Variants in KCNK12 observed in about 807,000 individuals in gnomAD.
The protein encoded by KCNK12 is potassium channel subfamily K member 12.
In KCNK12, 6 loss-of-function variants were observed where a neutral mutation model predicts 25.3. That is an observed-to-expected ratio of 0.24 (90% CI 0.13 to 0.47). The LOEUF (loss-of-function observed/expected upper bound fraction) is 0.47, where lower values mean the gene tolerates loss of function less well. Among genes scored for constraint, KCNK12 ranks in the 20% least tolerant of loss-of-function variants. KCNK12 has a pLI of 0.99. For synonymous variants in KCNK12, 331 were observed against 311.1 expected (o/e 1.06, Z -0.67); for missense variants, 444 against 661.7 (o/e 0.67, Z 3.61).
chr2:47,545,099 A>T (rs1290591308), intron 1 of KCNK12, among the ~76,000 whole-genome samples: 1 of 152,064 alleles, frequency 6.6e-6, no homozygotes, highest in Non-Finnish European at 1.5e-5. Context: ...GTGGGGAGGG[A>T]AGTCATACAC....
chr2:47,560,281 C>T lies in KCNK12; in HGVS notation c.391+9660G>A, dbSNP rs534233752. Among the ~76,000 whole-genome samples, 14 of 152,346 alleles carry T rather than the reference C, an allele frequency of 9.2e-5. No homozygotes were observed. The East Asian group carries it at 2.1e-3, about 23-fold the overall frequency. On this transcript the variant is annotated intron_variant, in intron 1 of 1. Transcript: ENST00000327876. This position sits in a 1 kb window ranked among gnomAD's most constrained non-coding sequence, Gnocchi z 4.7. ...GTTCTGGTGAGCTCTGTGGGAAGCA[C>T]GTGCTCTACCCTCTCCGATCTGGTT...
Position 47,514,636 on chromosome 2 carries a change from G to C in KCNK12, c.*6271C>G, listed in dbSNP as rs545502052. On this transcript the variant is annotated 3_prime_UTR_variant, in exon 2 of 2. Coordinates refer to ENST00000327876, the MANE Select transcript of KCNK12 (RefSeq NM_022055.2). This position sits in a 1 kb window ranked among gnomAD's most constrained non-coding sequence, Gnocchi z 5.0. ...TTTTTTTTCTTTCTTTTTGAGACAG[G>C]GTCTTACTCTGTCACCAAGGCTGGA... Among the ~76,000 whole-genome samples, 1 of 150,514 alleles carries C rather than the reference G, an allele frequency of 6.6e-6. No individual in the cohort carries two copies.
In KCNK12 at chr2:47,520,710, AC is replaced by A. The variant is rs1372592317; in HGVS notation, c.*196del. On this transcript the variant is annotated 3_prime_UTR_variant, in exon 2 of 2. Coordinates refer to ENST00000327876, the MANE Select transcript of KCNK12 (RefSeq NM_022055.2). The surrounding 1 kb of genome is among the most constrained non-coding windows in gnomAD (Gnocchi z 5.0). ...GCCACGGTTCTCCAAGAGGGGACTC[AC>A]AAGGAACACAGGCGTCCCCAAAACC... 2.5e-6 allele frequency: 1 copy of A among 400,096 alleles called. No individual in the cohort carries two copies. The highest frequency in any genetic ancestry group is 4.3e-6 in the Non-Finnish European group (1 of 230,168). 24.8% of individuals were successfully genotyped at this position (400,096 alleles called of 1,614,324 possible). A position where few individuals can be genotyped will look rare whatever the true frequency, so the allele number is the denominator to read the frequency against.
At chr2:47,554,906 G>C (rs1394879398) in intron 1 of KCNK12, among the ~76,000 whole-genome samples, 2 of 152,204 alleles carry the variant, frequency 1.3e-5, no homozygotes, top group African/African-American at 4.8e-5. Flanking sequence ...GAGCTGACAA[G>C]AGTTGATGAT....
chr2:47,509,671 T>C lies in KCNK12; in HGVS notation c.*11236A>G, dbSNP rs757558454. Reference sequence around the variant, plus strand: ...AGAGAGCTAGGTGGCCAGGTTGGAGTTGATTGCCAATGATAGGTCTTTTTC... The same window carrying C: ...AGAGAGCTAGGTGGCCAGGTTGGAGCTGATTGCCAATGATAGGTCTTTTTC... On this transcript the variant is annotated 3_prime_UTR_variant, in exon 2 of 2. Transcript: ENST00000327876. 1.3e-5 allele frequency among the ~76,000 whole-genome samples: 2 copies of C among 152,076 alleles called. No homozygotes were observed. Among genetic ancestry groups the C allele is most frequent in the African/African-American group, 4.8e-5 (2 of 41,406 alleles).
Position 47,520,994 on chromosome 2 carries a change from G to A in KCNK12, c.1206C>T (p.Val402=), listed in dbSNP as rs751633810. 9 of 1,360,076 alleles carry A rather than the reference G, an allele frequency of 6.6e-6. No individual in the cohort carries two copies. Among genetic ancestry groups the A allele is most frequent in the Non-Finnish European group, 7.6e-6 (8 of 1,053,628 alleles). 84.3% of individuals were successfully genotyped at this position (1,360,076 alleles called of 1,614,324 possible). Residue 402 remains valine, a synonymous_variant, in exon 2 of 2, where the codon GTC becomes GTT. Transcript: ENST00000327876. This position sits in a 1 kb window ranked among gnomAD's most constrained non-coding sequence, Gnocchi z 5.0. ...TANGYPRSVC[V]NTRQNGFSGG... is the part of the protein sequence containing the mutation. ...CCGAGAAGCCGTTCTGGCGCGTGTTGACGCACACGCTGCGCGGGTAGCCGT... is the reference window on the plus strand; with the variant it reads ...CCGAGAAGCCGTTCTGGCGCGTGTTAACGCACACGCTGCGCGGGTAGCCGT...
intron 1 of KCNK12, among the ~76,000 whole-genome samples, chr2:47,522,155 A>C (rs1285677696): frequency 6.6e-6 from 1 of 152,306 alleles, no homozygotes; most frequent in South Asian, 2.1e-4. Flanking sequence ...AGCTACCCAC[A>C]AAGCCAACAA....
intron 1 of KCNK12, among the ~76,000 whole-genome samples, chr2:47,546,268 A>C (rs547904059): frequency 6.6e-6 from 1 of 152,356 alleles, no homozygotes; most frequent in Non-Finnish European, 1.5e-5. Context: ...TACTTTCCAA[A>C]AATATGTAAA....
At position 47,551,204 on chromosome 2, in the gene KCNK12, G is replaced by A. The variant is rs373893849; in HGVS notation, c.391+18737C>T. On this transcript the variant is annotated intron_variant, in intron 1 of 1. Transcript: ENST00000327876. This position sits in a 1 kb window ranked among gnomAD's most constrained non-coding sequence, Gnocchi z 5.3. ...CTATTCCAGACACACTGGCTTCCTT[G>A]CGGCTCCTCCAGCAAACCCTGCAAG... Among the ~76,000 whole-genome samples the A allele has an allele frequency of 5.3e-4, 80 of 152,130 alleles. No homozygotes were observed. The highest frequency in any genetic ancestry group is 1.8e-3 in the African/African-American group (76 of 41,464).
At position 47,570,375 on chromosome 2, in the gene KCNK12, G is replaced by A. The variant is rs527393128; in HGVS notation, c.-44C>T. Reference sequence around the variant, plus strand: ...GGGGCCGGGGCGGCGCTCGGGGCCCGGGCCACGACATCCCCCCGGCGGGAG... The same window carrying A: ...GGGGCCGGGGCGGCGCTCGGGGCCCAGGCCACGACATCCCCCCGGCGGGAG... On this transcript the variant is annotated 5_prime_UTR_variant, in exon 1 of 2. Transcript: ENST00000327876. 3.3e-6 allele frequency: 4 copies of A among 1,215,214 alleles called. No homozygotes were observed. In the East Asian group the frequency reaches 1.4e-4, roughly 42 times the overall value. The allele number at this position is 1,215,214 out of a possible 1,614,324, so 75.3% of individuals were successfully genotyped here.
In KCNK12 at chr2:47,511,460, T is replaced by A. The variant is rs911552346; in HGVS notation, c.*9447A>T. Among the ~76,000 whole-genome samples, 1 of 152,208 alleles carries A rather than the reference T, an allele frequency of 6.6e-6. No homozygotes were observed. Among genetic ancestry groups the A allele is most frequent in the Non-Finnish European group, 1.5e-5 (1 of 68,044 alleles). On this transcript the variant is annotated 3_prime_UTR_variant, in exon 2 of 2. Transcript: ENST00000327876. The surrounding 1 kb of genome is among the most constrained non-coding windows in gnomAD (Gnocchi z 4.3). ...TGCAAATACATGTATTCTAAAGAAA[T>A]CTGTCCAGAACCCCAGCATCTGTGG...
chr2:47,546,182 T>C (rs1669310262), intron 1 of KCNK12, among the ~76,000 whole-genome samples: 1 of 152,276 alleles, frequency 6.6e-6, no homozygotes, highest in Non-Finnish European at 1.5e-5. Context: ...TCTGCAGTTA[T>C]TGCAAAGGCA....
intron 1 of KCNK12, among the ~76,000 whole-genome samples, chr2:47,522,953 C>G (rs1668691700): frequency 6.6e-6 from 1 of 151,834 alleles, no homozygotes; most frequent in African/African-American, 2.4e-5. Flanking sequence ...AAAAAAAAAT[C>G]AGTTTACCAA....
intron 1 of KCNK12, among the ~76,000 whole-genome samples, chr2:47,544,022 C>T (rs1169791097): frequency 1.3e-5 from 2 of 152,176 alleles, no homozygotes; most frequent in Non-Finnish European, 2.9e-5. Flanking sequence ...TGCCTTCCCT[C>T]CACTCTTGGT....
chr2:47,567,984 C>G (rs1558568233), intron 1 of KCNK12, among the ~76,000 whole-genome samples: 1 of 152,102 alleles, frequency 6.6e-6, no homozygotes, highest in East Asian at 1.9e-4. Context: ...CAAAGGAGCA[C>G]CGAATGACAG....
intron 1 of KCNK12, chr2:47,527,793 G>A (rs751598668): frequency 6.6e-6 from 1 of 152,320 alleles, no homozygotes; most frequent in Non-Finnish European, 1.5e-5. Flanking sequence ...ACCAACACCA[G>A]ACATGAAGCT....
In KCNK12 at chr2:47,525,641, G is replaced by C. The variant is rs1222550032; in HGVS notation, c.392-3833C>G. 6.6e-6 allele frequency among the ~76,000 whole-genome samples: 1 copy of C among 152,218 alleles called. No homozygotes were observed. Among genetic ancestry groups the C allele is most frequent in the African/African-American group, 2.4e-5 (1 of 41,456 alleles). On this transcript the variant is annotated intron_variant, in intron 1 of 1. Transcript: ENST00000327876. This position sits in a 1 kb window ranked among gnomAD's most constrained non-coding sequence, Gnocchi z 4.1. ...CACCAGAGGGTGACAAGTGGATACT[G>C]AAAGGAAGAGATCTGAAGAGACTGC...
rs188812199 is a variant in KCNK12 at position 47,561,868 on chromosome 2, A to C, written c.391+8073T>G. Among the ~76,000 whole-genome samples the C allele has an allele frequency of 4.6e-3, 706 of 152,318 alleles. 3 individuals carry two copies. Among genetic ancestry groups the C allele is most frequent in the Non-Finnish European group, 6.6e-3 (449 of 68,026 alleles). ...CTGGTGTGTTTAGAGTCGACACTAA[A>C]CTATACTGGAAGGAAGGATATGAGC... On this transcript the variant is annotated intron_variant, in intron 1 of 1. Transcript: ENST00000327876.
intron 1 of KCNK12, chr2:47,567,237 T>C (rs1029698071): frequency 1.3e-5 from 2 of 152,216 alleles, no homozygotes; most frequent in African/African-American, 4.8e-5. Flanking sequence ...ATATACACTG[T>C]GATACTCACT....
Sources: gnomAD v4.1 joint callset for allele counts (sites outside exome capture counted in the v4.1 genomes callset) on GRCh38, gnomAD v4.1.1 for gene constraint, Gnocchi (gnomAD v3.1) non-coding constraint, MANE v1.5 for transcripts, NCBI Gene and HGNC (gene_info 2026-07-23, HGNC 2026-07-21) for gene names.